TNNI3K: variants seen among roughly 807,000 people sequenced by gnomAD.
The protein encoded by TNNI3K is TNNI3 interacting kinase.
In TNNI3K, 140 loss-of-function variants were observed where a neutral mutation model predicts 114.5. That is an observed-to-expected ratio of 1.22 (90% CI 1.07 to 1.41). The LOEUF is 1.41. Among genes scored for constraint, TNNI3K ranks in the 40% most tolerant of loss-of-function variants. The pLI is 0.00. For synonymous variants in TNNI3K, 347 were observed against 347.5 expected, an observed-to-expected ratio of 1.00 and a Z score of 0.02; for missense variants, 1,125 against 1,007.6, an observed-to-expected ratio of 1.12 and a Z score of -1.58.
intron 17 of TNNI3K, chr1:74,378,618 A>G (rs1466413356): frequency 4.7e-5 from 4 of 85,394 alleles, no homozygotes; most frequent in Admixed American, 3.4e-4. Flanking sequence ...ATATATATAT[A>G]TATATATATA....
chr1:74,389,003 G>A (rs1663627223), intron 17 of TNNI3K, among the ~76,000 whole-genome samples: 1 of 152,232 alleles, frequency 6.6e-6, no homozygotes, highest in Non-Finnish European at 1.5e-5. Flanking sequence ...AAGCACTCAT[G>A]CAACTGAGAG....
chr1:74,532,852 G>T (rs1190641167), intron 23 of TNNI3K, among the ~76,000 whole-genome samples: 2 of 152,136 alleles, frequency 1.3e-5, no homozygotes, highest in Non-Finnish European at 2.9e-5. Context: ...TGGGAAAACT[G>T]GCTAGCCATA....
chr1:74,299,085 A>AC (rs1442706402), intron 5 of TNNI3K, among the ~76,000 whole-genome samples: 1 of 152,140 alleles, frequency 6.6e-6, no homozygotes, highest in Non-Finnish European at 1.5e-5. Flanking sequence ...GTGGAAAGAG[A>AC]CAGAGTGAGG....
intron 17 of TNNI3K, among the ~76,000 whole-genome samples, chr1:74,435,318 T>G (rs911642087): frequency 6.6e-6 from 1 of 152,102 alleles, no homozygotes; most frequent in African/African-American, 2.4e-5. Flanking sequence ...AAATAAAAGT[T>G]ATACGTATGA....
chr1:74,436,329 C>A, intron 18 of TNNI3K, 145 bp from the exon 19 acceptor site: 1 of 1,207,266 alleles, frequency 8.3e-7, no homozygotes, highest in Non-Finnish European at 1.1e-6. Flanking sequence ...TCTAGTTTTT[C>A]TTCTTTCTTA....
chr1:74,451,600 T>TCTTTTCTTTCTTTCCTTCCTTCCTTC (rs1666997343), intron 20 of TNNI3K, among the ~76,000 whole-genome samples: 1 of 151,082 alleles, frequency 6.6e-6, no homozygotes, highest in African/African-American at 2.4e-5. Flanking sequence ...TTCCTTCCTT[T>TCTTTTCTTTCTTTCCTTCCTTCCTTC]CTTTTCTTTC....
At chr1:74,309,663 C>T (rs551237275) in intron 5 of TNNI3K, among the ~76,000 whole-genome samples, 1 of 152,080 alleles carries the variant, frequency 6.6e-6, no homozygotes, top group African/African-American at 2.4e-5. Flanking sequence ...CATATGGAAA[C>T]CAATAAATAT....
intron 17 of TNNI3K, among the ~76,000 whole-genome samples, chr1:74,432,941 T>A (rs1381467173): frequency 2.0e-5 from 3 of 152,024 alleles, no homozygotes; most frequent in Admixed American, 1.3e-4. Flanking sequence ...TTAGCCTCAA[T>A]TATCCATCTG....
chr1:74,276,235 G>C (rs895808200), intron 5 of TNNI3K, among the ~76,000 whole-genome samples: 1 of 151,960 alleles, frequency 6.6e-6, no homozygotes, highest in Admixed American at 6.6e-5. Context: ...GGACACATTT[G>C]GGTTTAACGT....
At chr1:74,416,063 G>A (rs1438705664) in intron 17 of TNNI3K, among the ~76,000 whole-genome samples, 4 of 152,126 alleles carry the variant, frequency 2.6e-5, no homozygotes, top group African/African-American at 9.7e-5. Context: ...CAAAATTTCA[G>A]TTCTGAGATC....
chr1:74,376,918 C>G (rs1414375578), intron 17 of TNNI3K: 2 of 151,864 alleles, frequency 1.3e-5, no homozygotes, highest in Admixed American at 1.3e-4. Flanking sequence ...ACAAGACTAC[C>G]AATTAATTCT....
chr1:74,310,737 AAAC>A (rs1233133231), intron 5 of TNNI3K, among the ~76,000 whole-genome samples: 3 of 152,316 alleles, frequency 2.0e-5, no homozygotes, highest in East Asian at 3.9e-4. Flanking sequence ...TTTGTTGATT[AAAC>A]AACACTTGTA....
At chr1:74,373,911 G>C (rs1366465712) in intron 17 of TNNI3K, 1 of 151,818 alleles carries the variant, frequency 6.6e-6, no homozygotes, top group African/African-American at 2.4e-5. Flanking sequence ...GCATCTGCAG[G>C]GGATTGGTTC....
chr1:74,531,928 A>G (rs894454730), intron 23 of TNNI3K, among the ~76,000 whole-genome samples: 3 of 152,232 alleles, frequency 2.0e-5, no homozygotes, highest in Non-Finnish European at 4.4e-5. Flanking sequence ...GTGTTGCCTT[A>G]TTAAAAATCC....
chr1:74,400,244 T>G (rs114413902), intron 17 of TNNI3K, among the ~76,000 whole-genome samples: 1 of 152,140 alleles, frequency 6.6e-6, no homozygotes. Flanking sequence ...TTTAGGCTAG[T>G]CACCAACTCC....
At chr1:74,351,012 A>C (rs1052380268) in intron 9 of TNNI3K, among the ~76,000 whole-genome samples, 1 of 151,694 alleles carries the variant, frequency 6.6e-6, no homozygotes, top group Non-Finnish European at 1.5e-5. Flanking sequence ...TGTCATTATG[A>C]TGTTAGCTGG....
At chr1:74,391,954 A>ATTTTTTT (rs1557539031) in intron 17 of TNNI3K, among the ~76,000 whole-genome samples, 1 of 93,258 alleles carries the variant, frequency 1.1e-5, no homozygotes, top group African/African-American at 5.7e-5. Flanking sequence ...GGTACAGCTT[A>ATTTTTTT]TTATTTTTTT....
At chr1:74,492,037 G>C in intron 22 of TNNI3K, 60 bp from the exon 23 acceptor site, 2 of 1,380,574 alleles carry the variant, frequency 1.4e-6, no homozygotes, top group South Asian at 4.4e-5. Flanking sequence ...CATATTTTAT[G>C]TTATGTCTTC....
chr1:74,514,962 G>A (rs1039635310), intron 23 of TNNI3K, among the ~76,000 whole-genome samples: 10 of 152,036 alleles, frequency 6.6e-5, no homozygotes, highest in Non-Finnish European at 8.8e-5. Flanking sequence ...ACAAAGACAC[G>A]CAGAAGAATG....
Sources: allele counts gnomAD v4.1 joint callset (sites outside exome capture counted in the v4.1 genomes callset), GRCh38; gene constraint gnomAD v4.1.1; transcripts MANE v1.5; gene names NCBI Gene and HGNC (gene_info 2026-07-23, HGNC 2026-07-21).